Variants in PSMB4 observed in about 807,000 individuals in gnomAD.
PSMB4 encodes proteasome 20S subunit beta 4, also known as proteasome subunit beta type-4.
PSMB4 carries 16 observed loss-of-function variants against 35.2 expected under a neutral mutation model. The ratio of observed to expected loss-of-function variants is 0.45; its 90% confidence interval spans 0.31 to 0.69. PSMB4 has a LOEUF of 0.69. PSMB4 is among the 30% of genes least tolerant of loss of function. The pLI, the probability that PSMB4 is intolerant of heterozygous loss-of-function variation, is 0.06. For missense variants in PSMB4, 333 were observed against 351.8 expected (o/e 0.95, Z 0.43); for synonymous variants, 144 against 134.1 (o/e 1.07, Z -0.51).
At chr1:151,401,096 T>C (rs1260604046) in intron 4 of PSMB4, 143 bp from the exon 5 acceptor site, 5 of 838,014 alleles carry the variant, frequency 6.0e-6, no homozygotes, top group Non-Finnish European at 9.8e-6. Flanking sequence ...GCTCTTAGCT[T>C]ATTTTCTAAG....
At position 151,401,347 on chromosome 1, in the gene PSMB4, T is replaced by C; in HGVS notation, c.685T>C (p.Tyr229His). The change falls in exon 5 of 7, where the codon TAC becomes CAC. Residue 229 changes from tyrosine to histidine, a missense_variant. Tyr to His is a moderately conservative substitution (Grantham distance 83). Transcript: ENST00000290541. ...GCTGTACTACCGAGATGCCCGTTCT[T>C]ACAACCGGGTGAGGGATGTGCTGGG... ...RVLYYRDARS[Y>H]NRFQIATVTE... 1 of 1,614,086 alleles carries C rather than the reference T, an allele frequency of 6.2e-7. No homozygotes were observed. The highest frequency in any genetic ancestry group is 8.5e-7 in the Non-Finnish European group (1 of 1,179,996).
chr1:151,401,301 A>G lies in PSMB4; in HGVS notation c.639A>G (p.Leu213=). ...PVLSQTEARD[L]VERCMRVLYY... ...TAAGCCAGACCGAGGCCCGCGACTT[A>G]GTAGAACGCTGCATGCGAGTGCTGT... Residue 213 remains leucine (L), a synonymous_variant, in exon 5 of 7, where the codon TTA becomes TTG. Coordinates refer to ENST00000290541, the MANE Select transcript of PSMB4 (RefSeq NM_002796.3). 1 of 1,614,146 alleles carries G rather than the reference A, an allele frequency of 6.2e-7. No individual in the cohort carries two copies. The highest frequency in any genetic ancestry group is 8.5e-7 in the Non-Finnish European group (1 of 1,180,030).
At chr1:151,400,407 TTCTC>T in intron 2 of PSMB4, 31 bp from the exon 3 acceptor site, 1 of 1,605,408 alleles carries the variant, frequency 6.2e-7, no homozygotes. Flanking sequence ...CCCGACTTAA[TTCTC>T]TCCCTTTTCT....
chr1:151,400,157 A>G lies in PSMB4; in HGVS notation c.317A>G (p.Gln106Arg). 4 of 1,614,098 alleles carry G rather than the reference A, an allele frequency of 2.5e-6. No homozygotes were observed. The highest frequency in any genetic ancestry group is 3.4e-6 in the Non-Finnish European group (4 of 1,180,028). The change falls in exon 2 of 7, where the codon CAG becomes CGG. Residue 106 changes from glutamine to arginine, a missense_variant. Coordinates refer to ENST00000290541, the MANE Select transcript of PSMB4 (RefSeq NM_002796.3). ...LGASGDYADF[Q>R]YLKQVLGQMV... is the part of the protein sequence containing the mutation. ...GCCTCTGGCGACTACGCTGATTTCC[A>G]GTATTTGAAGCAAGTTCTCGGCCAG...
chr1:151,401,569 G>C lies in PSMB4; in HGVS notation c.721G>C (p.Gly241Arg), dbSNP rs374028323. 59 of 1,612,586 alleles carry C rather than the reference G, an allele frequency of 3.7e-5. No individual in the cohort carries two copies. The highest frequency in any genetic ancestry group is 1.8e-4 in the East Asian group (8 of 44,898). The change falls in exon 6 of 7, where the codon GGT (glycine) becomes CGT (arginine). Residue 241 changes from glycine (G) to arginine (R), a missense_variant. Gly to Arg is a moderately radical substitution (Grantham distance 125). Coordinates refer to ENST00000290541, the MANE Select transcript of PSMB4 (RefSeq NM_002796.3). ...RFQIATVTEK[G>R]VEIEGPLSTE... The stretch of plus-strand genomic sequence containing the variant: ...TCAAATCGCCACTGTCACCGAAAAA[G>C]GTGTTGAAATAGAGGGACCATTGTC...
At position 151,400,800 on chromosome 1, in the gene PSMB4, T is replaced by TGAA. The variant is rs902384505; in HGVS notation, c.533_535dup (p.Glu178dup). ...ATGTGGACATGCTTGGTGTAGCCTATGAAGCCCCTTCGCTGGCCACTGGTT... is the reference window on the plus strand; with the variant it reads ...ATGTGGACATGCTTGGTGTAGCCTATGAAGAAGCCCCTTCGCTGGCCACTGGTT... On this transcript the variant is annotated inframe_insertion, in exon 4 of 7. Coordinates refer to ENST00000290541, the MANE Select transcript of PSMB4 (RefSeq NM_002796.3). 4 of 1,614,088 alleles carry TGAA rather than the reference T, an allele frequency of 2.5e-6. No individual in the cohort carries two copies. The African/African-American group carries it at 5.3e-5, about 22-fold the overall frequency.
At chr1:151,400,938 A>AT in intron 4 of PSMB4, 93 bp downstream of exon 4, 1 of 1,287,578 alleles carries the variant, frequency 7.8e-7, no homozygotes, top group Non-Finnish European at 1.1e-6. Context: ...GATATGAGGG[A>AT]TGGGCTGGGA....
Position 151,400,577 on chromosome 1 carries a change from T to G in PSMB4, c.483T>G (p.Ala161=), listed in dbSNP as rs1197216055. The change falls in exon 3 of 7, where the codon GCT becomes GCG. Residue 161 remains alanine (A), a synonymous_variant. Coordinates refer to ENST00000290541, the MANE Select transcript of PSMB4 (RefSeq NM_002796.3). ...LWNTMVIGGY[A]DGESFLGYVD... is the part of the protein sequence containing the mutation. ...ACACCATGGTCATCGGAGGCTATGC[T>G]GATGGAGAGAGGTTCATATGAATAC... 1.2e-6 allele frequency: 2 copies of G among 1,614,146 alleles called. No homozygotes were observed. The highest frequency in any genetic ancestry group is 2.2e-5 in the South Asian group (2 of 91,086).
intron 4 of PSMB4, 112 bp downstream of exon 4, chr1:151,400,957 A>T: frequency 8.9e-7 from 1 of 1,126,656 alleles, no homozygotes; most frequent in Non-Finnish European, 1.3e-6. Flanking sequence ...GATCGCTATT[A>T]CTGGGCAGAT....
chr1:151,401,863 C>T lies in PSMB4; in HGVS notation c.*34C>T. Reference sequence around the variant, plus strand: ...TGCATTATCCAGAACTGAAGTTGCCCTACTTTTAACTTTGAACTTGGCTAG... The same window carrying T: ...TGCATTATCCAGAACTGAAGTTGCCTTACTTTTAACTTTGAACTTGGCTAG... On this transcript the variant is annotated 3_prime_UTR_variant, in exon 7 of 7. Transcript: ENST00000290541. 1 of 1,592,230 alleles carries T rather than the reference C, an allele frequency of 6.3e-7. No homozygotes were observed. Among genetic ancestry groups the T allele is most frequent in the Non-Finnish European group, 8.6e-7 (1 of 1,160,846 alleles).
Position 151,400,464 on chromosome 1 carries a change from G to C in PSMB4, c.370G>C (p.Asp124His). 1.2e-6 allele frequency: 2 copies of C among 1,613,592 alleles called. No homozygotes were observed. The highest frequency in any genetic ancestry group is 1.7e-6 in the Non-Finnish European group (2 of 1,180,002). Residue 124 changes from aspartate (D) to histidine (H), a missense_variant, in exon 3 of 7, where the codon GAT becomes CAT. Physicochemically the swap from Asp to His is moderately conservative, Grantham distance 81. Transcript: ENST00000290541. ...QMVIDEELLG[D>H]GHSYSPRAIH... ...AAGGATTGATGAGGAGCTTCTGGGA[G>C]ATGGACACAGCTATAGTCCTAGAGC...
rs2102122820 is a variant in PSMB4, at chr1:151,401,176, T to G, written c.577-63T>G. ...CTCTAATGCTTTTTATACCATAGAT[T>G]TGAGACAACTAGCCTGTTATTCAGC... On this transcript the variant is annotated intron_variant, in intron 4 of 6. Transcript: ENST00000290541. The G allele has an allele frequency of 2.3e-6, 3 of 1,294,724 alleles. No homozygotes were observed. The South Asian group carries it at 3.6e-5, about 15-fold the overall frequency. 80.2% of individuals were successfully genotyped at this position (1,294,724 alleles called of 1,614,324 possible). A position where few individuals can be genotyped will look rare whatever the true frequency, so the allele number is the denominator to read the frequency against.
rs1049463156 is a variant in PSMB4 at position 151,399,610 on chromosome 1, G to C, written c.23G>C (p.Arg8Pro). 1.5e-5 allele frequency: 24 copies of C among 1,613,042 alleles called. No homozygotes were observed. Among genetic ancestry groups the C allele is most frequent in the Non-Finnish European group, 1.9e-5 (22 of 1,179,684 alleles). ...AAGATGGAAGCGTTTTTGGGGTCGC[G>C]GTCCGGACTTTGGGCGGGGGGTCCG... is the stretch of plus-strand genomic sequence containing the variant. MEAFLGS[R>P]SGLWAGGPAP... The change falls in exon 1 of 7, where the codon CGG (arginine) becomes CCG (proline). Residue 8 changes from arginine (R) to proline (P), a missense_variant. By Grantham distance (103) the Arg-to-Pro change is moderately radical. Transcript: ENST00000290541.
In PSMB4 at chr1:151,400,812, G is replaced by A. The variant is rs1804239; in HGVS notation, c.543G>A (p.Ser181=). 2 of 1,614,140 alleles carry A rather than the reference G, an allele frequency of 1.2e-6. No individual in the cohort carries two copies. The highest frequency in any genetic ancestry group is 1.7e-6 in the Non-Finnish European group (2 of 1,180,018). ...TTGGTGTAGCCTATGAAGCCCCTTC[G>A]CTGGCCACTGGTTATGGTGCATACT... ...DMLGVAYEAP[S]LATGYGAYLA... Residue 181 remains serine (S), a synonymous_variant, in exon 4 of 7, where the codon TCG becomes TCA. Transcript: ENST00000290541.
In PSMB4 at chr1:151,401,823, T is replaced by C. The variant is rs1284375822; in HGVS notation, c.789T>C (p.Phe263=). The change falls in exon 7 of 7, where the codon TTT becomes TTC. Residue 263 remains phenylalanine, a synonymous_variant. Transcript: ENST00000290541. ...NWDIAHMISG[F]E ...TTCTGTCTTCCTTTTTTAGTGGCTT[T>C]GAATGAAATACAGATGCATTATCCA... 1 of 1,610,914 alleles carries C rather than the reference T, an allele frequency of 6.2e-7. No individual in the cohort carries two copies. Among genetic ancestry groups the C allele is most frequent in the South Asian group, 1.1e-5 (1 of 91,000 alleles).
At position 151,400,020 on chromosome 1, in the gene PSMB4, G is replaced by T; in HGVS notation, c.180G>T (p.Lys60Asn). ...CCGGGACCTCAGTCCTCGGCGTTAAGTTCGAGGGCGGAGTGGTGATTGCCG... is the reference window on the plus strand; with the variant it reads ...CCGGGACCTCAGTCCTCGGCGTTAATTTCGAGGGCGGAGTGGTGATTGCCG... ...MVTGTSVLGV[K>N]FEGGVVIAAD... Residue 60 changes from lysine (K) to asparagine (N), a missense_variant, in exon 2 of 7, where the codon AAG becomes AAT. Transcript: ENST00000290541. The T allele has an allele frequency of 6.2e-7, 1 of 1,614,120 alleles. No homozygotes were observed. The highest frequency in any genetic ancestry group is 8.5e-7 in the Non-Finnish European group (1 of 1,179,984).
In PSMB4 at chr1:151,401,225, C is replaced by T. The variant is rs772103438; in HGVS notation, c.577-14C>T. 4.7e-5 allele frequency: 75 copies of T among 1,610,400 alleles called. No individual in the cohort carries two copies. Among genetic ancestry groups the T allele is most frequent in the Middle Eastern group, 1.6e-4 (1 of 6,080 alleles). On this transcript the variant is annotated splice_polypyrimidine_tract_variant and intron_variant, in intron 4 of 6. Transcript: ENST00000290541. ...GCCCAATATCCCCCCATGGTTTTCC[C>T]CCAATCTCCCTAGCCTCTGCTGCGA...
At chr1:151,400,943 CTGGGATCGCTATTACTGGGCAGA>C in intron 4 of PSMB4, 98 bp downstream of exon 4, 1 of 1,248,470 alleles carries the variant, frequency 8.0e-7, no homozygotes, top group African/African-American at 1.5e-5. Context: ...GAGGGATGGG[CTGGGATCGCTATTACTGGGCAGA>C]TGGTTTTCTT....
At chr1:151,399,893 A>G (rs566361195) in intron 1 of PSMB4, 88 bp from the exon 2 acceptor site, 2 of 1,542,852 alleles carry the variant, frequency 1.3e-6, no homozygotes. Context: ...ATTGGAAGGA[A>G]TTATAGAAAA....
Sources: allele counts gnomAD v4.1 joint callset, GRCh38; gene constraint gnomAD v4.1.1; transcripts MANE v1.5; gene names NCBI Gene and HGNC (gene_info 2026-07-23, HGNC 2026-07-21).